The following KCNE2 variants were observed in gnomAD, a reference collection of about 807,000 sequenced individuals.
KCNE2 encodes the protein potassium voltage-gated channel subfamily E member 2.
A neutral mutation model predicts 4.5 loss-of-function variants in KCNE2; 4 were observed. The observed-to-expected ratio is 0.89, with a 90% CI of 0.44 to 2.03. The LOEUF (loss-of-function observed/expected upper bound fraction) is 2.03. KCNE2 is among the 30% of genes most tolerant of loss of function. The pLI is 0.03. For synonymous variants in KCNE2, 57 were observed against 55.9 expected (o/e 1.02, Z -0.09); for missense variants, 137 against 151.4 (o/e 0.90, Z 0.50).
chr21:34,365,282 G>T (rs747307007), intron 1 of KCNE2, among the ~76,000 whole-genome samples: 24 of 152,190 alleles, frequency 1.6e-4, no homozygotes, highest in Non-Finnish European at 3.2e-4. Flanking sequence ...CACATGAATT[G>T]CCCATATTTG....
intron 1 of KCNE2, among the ~76,000 whole-genome samples, chr21:34,366,148 C>A (rs1362955418): frequency 6.6e-6 from 1 of 152,112 alleles, no homozygotes; most frequent in African/African-American, 2.4e-5. Context: ...CATGCCTGCA[C>A]CTGGAAACAA....
At chr21:34,365,243 C>T (rs1449425972) in intron 1 of KCNE2, among the ~76,000 whole-genome samples, 1 of 152,226 alleles carries the variant, frequency 6.6e-6, no homozygotes, top group Non-Finnish European at 1.5e-5. Flanking sequence ...GAAGCATTCA[C>T]TGGAAATGTA....
At chr21:34,366,578 T>C (rs568219632) in intron 1 of KCNE2, among the ~76,000 whole-genome samples, 3 of 152,278 alleles carry the variant, frequency 2.0e-5, no homozygotes, top group Non-Finnish European at 4.4e-5. Flanking sequence ...CAAGCTCTCC[T>C]GTCATCGGGA....
At chr21:34,368,267 T>TATATATATATA (rs1370394357) in intron 1 of KCNE2, among the ~76,000 whole-genome samples, 1 of 71,088 alleles carries the variant, frequency 1.4e-5, no homozygotes, top group Non-Finnish European at 2.6e-5. Flanking sequence ...TATATGTATG[T>TATATATATATA]TATATATATG....
chr21:34,368,983 A>C (rs1466220851), intron 1 of KCNE2, among the ~76,000 whole-genome samples: 1 of 152,144 alleles, frequency 6.6e-6, no homozygotes, highest in Non-Finnish European at 1.5e-5. Flanking sequence ...TGGAACCTAA[A>C]GAACGAGGAG....
chr21:34,364,644 G>A (rs1456936530), intron 1 of KCNE2, among the ~76,000 whole-genome samples: 1 of 151,988 alleles, frequency 6.6e-6, no homozygotes, highest in East Asian at 1.9e-4. Context: ...GTGGTGGCTG[G>A]CGCCTGTAGT....
intron 1 of KCNE2, among the ~76,000 whole-genome samples, chr21:34,366,348 A>C (rs1406774292): frequency 1.3e-5 from 2 of 152,072 alleles, no homozygotes; most frequent in Non-Finnish European, 2.9e-5. Flanking sequence ...TTTTCGAGGG[A>C]TCTTTAACAC....
rs192883050 is a variant in KCNE2 at position 34,368,852 on chromosome 21, A to T, written c.-12-1615A>T. On this transcript the variant is annotated intron_variant, in intron 1 of 1. Transcript: ENST00000290310. ...AATATGAATATATACACACACATTTAGTGACTGCATATGTGATGTGTGCTT... is the reference window on the plus strand; with the variant it reads ...AATATGAATATATACACACACATTTTGTGACTGCATATGTGATGTGTGCTT... Among the ~76,000 whole-genome samples the T allele has an allele frequency of 8.8e-4, 134 of 152,286 alleles. 2 individuals carry two copies. Among genetic ancestry groups the T allele is most frequent in the African/African-American group, 3.0e-3 (123 of 41,540 alleles).
chr21:34,370,679 C>A lies in KCNE2; in HGVS notation c.201C>A (p.Ile67=). ...IGMFSFIIVA[I]LVSTVKSKRR... Reference sequence around the variant, plus strand: ...TGTTCTCTTTCATCATCGTGGCCATCCTGGTGAGCACTGTGAAATCCAAGA... The same window carrying A: ...TGTTCTCTTTCATCATCGTGGCCATACTGGTGAGCACTGTGAAATCCAAGA... Residue 67 remains isoleucine, a synonymous_variant, in exon 2 of 2, where the codon ATC becomes ATA. Coordinates refer to ENST00000290310, the MANE Select transcript of KCNE2 (RefSeq NM_172201.2). 1.2e-6 allele frequency: 2 copies of A among 1,614,192 alleles called. No homozygotes were observed. Among genetic ancestry groups the A allele is most frequent in the Non-Finnish European group, 1.7e-6 (2 of 1,180,044 alleles).
rs867379844 is a variant in KCNE2, at chr21:34,368,281, G to A, written c.-12-2186G>A. 8.7e-4 allele frequency among the ~76,000 whole-genome samples: 103 copies of A among 117,730 alleles called. 6 individuals are homozygous for A. In the South Asian group the frequency reaches 0.024, roughly 27 times the overall value. 77.2% of individuals were successfully genotyped at this position (117,730 alleles called of 152,430 possible). A position where few individuals can be genotyped will look rare whatever the true frequency, so the allele number is the denominator to read the frequency against. On this transcript the variant is annotated intron_variant, in intron 1 of 1. Transcript: ENST00000290310. The stretch of plus-strand genomic sequence containing the variant: ...ATATATGTATGTTATATATATGTAT[G>A]TTATATATATGTATGTATGTATGTA...
At chr21:34,366,756 G>T (rs1979313709) in intron 1 of KCNE2, among the ~76,000 whole-genome samples, 1 of 151,862 alleles carries the variant, frequency 6.6e-6, no homozygotes, top group South Asian at 2.1e-4. Context: ...AAGGTGGGCG[G>T]ATCACGAGGT....
intron 1 of KCNE2, among the ~76,000 whole-genome samples, 176 bp from the exon 2 acceptor site, chr21:34,370,291 A>G (rs1281667698): frequency 6.6e-6 from 1 of 152,236 alleles, no homozygotes; most frequent in Admixed American, 6.5e-5. Flanking sequence ...AAAAAAGTGA[A>G]TAAAATGTAC....
At chr21:34,364,936 AATGAC>A (rs2123417935) in intron 1 of KCNE2, among the ~76,000 whole-genome samples, 1 of 152,280 alleles carries the variant, frequency 6.6e-6, no homozygotes, top group South Asian at 2.1e-4. Context: ...GGGCACAACT[AATGAC>A]ATGTGTAAGC....
intron 1 of KCNE2, among the ~76,000 whole-genome samples, chr21:34,368,229 A>AATATATATAT (rs10596236): frequency 0.02 from 1,729 of 84,486 alleles, 37 homozygotes; most frequent in East Asian, 0.03. Flanking sequence ...ACACACACAC[A>AATATATATAT]ATATATATAT....
intron 1 of KCNE2, among the ~76,000 whole-genome samples, chr21:34,368,295 T>C (rs1251880775): frequency 6.9e-6 from 1 of 144,648 alleles, no homozygotes; most frequent in Non-Finnish European, 1.5e-5. Flanking sequence ...TATATATGTA[T>C]GTATGTATGT....
At chr21:34,370,311 T>C (rs970776037) in intron 1 of KCNE2, among the ~76,000 whole-genome samples, 156 bp from the exon 2 acceptor site, 1 of 152,214 alleles carries the variant, frequency 6.6e-6, no homozygotes, top group Non-Finnish European at 1.5e-5. Flanking sequence ...CGCAGTCAGT[T>C]TAAAGACTAA....
chr21:34,365,758 A>G (rs1979263691), intron 1 of KCNE2, among the ~76,000 whole-genome samples: 1 of 152,210 alleles, frequency 6.6e-6, no homozygotes, highest in African/African-American at 2.4e-5. Context: ...AGTCAGTTAA[A>G]CAGTAATTCT....
chr21:34,369,682 G>A lies in KCNE2; in HGVS notation c.-12-785G>A, dbSNP rs1034510954. On this transcript the variant is annotated intron_variant, in intron 1 of 1. Coordinates refer to ENST00000290310, the MANE Select transcript of KCNE2 (RefSeq NM_172201.2). ...TGTATTATCCAGGTGAGAGATGCTG[G>A]AGGCTGGGCGGTGCCAGTGGTGATG... Among the ~76,000 whole-genome samples the A allele has an allele frequency of 7.9e-5, 12 of 152,220 alleles. 1 individual carries two copies. Among genetic ancestry groups the A allele is most frequent in the Admixed American group, 6.5e-4 (10 of 15,282 alleles).
At chr21:34,368,225 A>AT (rs1979398565) in intron 1 of KCNE2, among the ~76,000 whole-genome samples, 2 of 68,526 alleles carry the variant, frequency 2.9e-5, no homozygotes, top group African/African-American at 1.3e-4. Context: ...ACACACACAC[A>AT]CACAATATAT....
Sources: gnomAD v4.1 joint callset for allele counts (sites outside exome capture counted in the v4.1 genomes callset) on GRCh38, gnomAD v4.1.1 for gene constraint, MANE v1.5 for transcripts, NCBI Gene and HGNC (gene_info 2026-07-23, HGNC 2026-07-21) for gene names.